The following CEL variants were observed in gnomAD, a reference collection of about 807,000 sequenced individuals.
The protein encoded by CEL is carboxyl ester lipase, also known as bile salt-activated lipase.
In CEL, 39 loss-of-function variants were observed where a neutral mutation model predicts 57.1. The observed-to-expected ratio is 0.68, with a 90% CI of 0.53 to 0.89. The LOEUF is 0.89. Among genes scored for constraint, CEL ranks in the 40% least tolerant of loss-of-function variants. CEL has a pLI of 0.00. For missense variants in CEL, 698 were observed against 915.0 expected, an observed-to-expected ratio of 0.76 and a Z score of 3.06; for synonymous variants, 314 against 396.6, an observed-to-expected ratio of 0.79 and a Z score of 2.48.
At position 133,071,710 on chromosome 9, in the gene CEL, G is replaced by GC. The variant is rs747827877; in HGVS notation, c.2214dup (p.Thr739HisfsTer3). ...CGGGTGACTCTGAGGCTGCCCCTGT[G>GC]CCCCCCACAGATGACTCCAAGGAAG... On this transcript the variant is annotated frameshift_variant, in exon 11 of 11. Coordinates refer to ENST00000372080, the MANE Select transcript of CEL (RefSeq NM_001807.6). LOFTEE classifies it high-confidence loss of function. 6.2e-7 allele frequency: 1 copy of GC among 1,611,970 alleles called. No individual in the cohort carries two copies.
At chr9:133,062,198 G>A in intron 1 of CEL, 130 bp downstream of exon 1, 1 of 1,239,630 alleles carries the variant, frequency 8.1e-7, no homozygotes, top group East Asian at 2.6e-5. Flanking sequence ...TCATTTCTAT[G>A]GGGACAGGTG....
intron 1 of CEL, among the ~76,000 whole-genome samples, chr9:133,064,083 G>T (rs933117650): frequency 6.6e-6 from 1 of 152,188 alleles, no homozygotes; most frequent in African/African-American, 2.4e-5. Context: ...ACTGAGGATC[G>T]GAGTCAAAGC....
In CEL at chr9:133,071,785, CAAG is replaced by C. The variant is rs746948695; in HGVS notation, c.*23_*25del. The C allele has an allele frequency of 1.2e-6, 2 of 1,606,332 alleles. No individual in the cohort carries two copies. The highest frequency in any genetic ancestry group is 2.2e-5 in the South Asian group (2 of 90,856). ...TTTAGCGTCCCATGAGCCTTGGTAT[CAAG>C]AGGCCACAAGAGTGGGACCCCAGGG... On this transcript the variant is annotated 3_prime_UTR_variant, in exon 11 of 11. Coordinates refer to ENST00000372080, the MANE Select transcript of CEL (RefSeq NM_001807.6).
In CEL at chr9:133,066,595, G is replaced by C; in HGVS notation, c.604G>C (p.Gly202Arg). ...GGTGAAGAGGAATATCGCGGCCTTC[G>C]GGGGGGACCCCAACAACATCACGCT... ...AWVKRNIAAF[G>R]GDPNNITLFG... is the part of the protein sequence containing the mutation. The change falls in exon 5 of 11, where the codon GGG becomes CGG. Residue 202 changes from glycine (G) to arginine (R), a missense_variant. By Grantham distance (125) the Gly-to-Arg change is moderately radical. Around this residue, in one of 6 missense-constraint regions of CEL, gnomAD observed 327 missense variants for 374.1 expected, o/e 0.87. Coordinates refer to ENST00000372080, the MANE Select transcript of CEL (RefSeq NM_001807.6). The surrounding 1 kb of genome is among the most constrained non-coding windows in gnomAD (Gnocchi z 4.3). 2 of 1,613,508 alleles carry C rather than the reference G, an allele frequency of 1.2e-6. No homozygotes were observed. The highest frequency in any genetic ancestry group is 1.1e-5 in the South Asian group (1 of 91,074).
rs759784070 is a variant in CEL, at chr9:133,071,246, G to A, written c.1744G>A (p.Val582Met). Residue 582 changes from valine to methionine, a missense_variant, in exon 11 of 11, where the codon GTG (valine) becomes ATG (methionine). This residue lies in a region of CEL where 238 missense variants were observed against 213.7 expected (regional missense o/e 1.11). Transcript: ENST00000372080. ...CACGGGTGACTCCGAGACCGCCCCC[G>A]TGCCGCCCACGGGTGACTCCGGGGC... is the stretch of plus-strand genomic sequence containing the variant. ...PPTGDSETAP[V>M]PPTGDSGAPP... is the part of the protein sequence containing the mutation. 1.9e-5 allele frequency: 30 copies of A among 1,577,564 alleles called. 1 individual carries two copies. The South Asian group carries it at 2.2e-4, about 12-fold the overall frequency.
In CEL at chr9:133,066,229, C is replaced by G. The variant is rs777051568; in HGVS notation, c.539-301C>G. ...CATCCTGCCCCCGACAAACACCACCCCCTCCAGCACCACACCAACCCAACC... is the reference window on the plus strand; with the variant it reads ...CATCCTGCCCCCGACAAACACCACCGCCTCCAGCACCACACCAACCCAACC... On this transcript the variant is annotated intron_variant, in intron 4 of 10. Transcript: ENST00000372080. The surrounding 1 kb of genome is among the most constrained non-coding windows in gnomAD (Gnocchi z 4.3). Among the ~76,000 whole-genome samples the G allele has an allele frequency of 6.6e-6, 1 of 152,072 alleles. No homozygotes were observed. Among genetic ancestry groups the G allele is most frequent in the East Asian group, 1.9e-4 (1 of 5,196 alleles).
At chr9:133,063,762 ATG>A (rs1830129765) in intron 1 of CEL, among the ~76,000 whole-genome samples, 1 of 151,964 alleles carries the variant, frequency 6.6e-6, no homozygotes, top group South Asian at 2.1e-4. Context: ...GGCCATTTTC[ATG>A]GCACAGGGAA....
chr9:133,070,077 A>ATACATTTAG (rs1407775584), intron 9 of CEL, among the ~76,000 whole-genome samples: 11 of 151,816 alleles, frequency 7.2e-5, no homozygotes, highest in African/African-American at 2.7e-4. Flanking sequence ...CTTTGCAGCA[A>ATACATTTAG]CTAAGCAGTA....
chr9:133,064,449 A>G lies in CEL; in HGVS notation c.112A>G (p.Lys38Glu), dbSNP rs1287771382. ...AGGTGGGTTCGTGGAAGGCGTCAAT[A>G]AGAAGCTCGGCCTCCTGGGTGACTC... ...TEGGFVEGVN[K>E]KLGLLGDSVD... is the part of the protein sequence containing the mutation. Residue 38 changes from lysine (K) to glutamate (E), a missense_variant, in exon 2 of 11, where the codon AAG becomes GAG. By Grantham distance (56) the Lys-to-Glu change is moderately conservative. Around this residue, in one of 6 missense-constraint regions of CEL, gnomAD observed 327 missense variants for 374.1 expected, o/e 0.87. Coordinates refer to ENST00000372080, the MANE Select transcript of CEL (RefSeq NM_001807.6). 6.2e-7 allele frequency: 1 copy of G among 1,614,090 alleles called. No homozygotes were observed. The highest frequency in any genetic ancestry group is 1.7e-5 in the Admixed American group (1 of 60,018).
Position 133,071,075 on chromosome 9 carries a change from A to G in CEL, c.1573A>G (p.Met525Val). 1 of 1,612,572 alleles carries G rather than the reference A, an allele frequency of 6.2e-7. No homozygotes were observed. Among genetic ancestry groups the G allele is most frequent in the Non-Finnish European group, 8.5e-7 (1 of 1,179,768 alleles). The change falls in exon 11 of 11, where the codon ATG becomes GTG. Residue 525 changes from methionine to valine, a missense_variant. Met to Val is a conservative substitution (Grantham distance 21). This residue lies in a region of CEL where 111 missense variants were observed against 147.3 expected (regional missense o/e 0.75). Coordinates refer to ENST00000372080, the MANE Select transcript of CEL (RefSeq NM_001807.6). Reference protein sequence around the residue: ...NSGYLEITKKMGSSSMKRSLR... With the variant: ...NSGYLEITKKVGSSSMKRSLR... ...CGGCTACCTGGAGATCACCAAGAAG[A>G]TGGGCAGCAGCTCCATGAAGCGGAG...
In CEL at chr9:133,065,132, T is replaced by C; in HGVS notation, c.433T>C (p.Tyr145His). The change falls in exon 4 of 11, where the codon TAT becomes CAT. Residue 145 changes from tyrosine (Y) to histidine (H), a missense_variant. This residue lies in a region of CEL where 327 missense variants were observed against 374.1 expected (regional missense o/e 0.87). Transcript: ENST00000372080. ...GGCCAACTTCCTCAACAACTACCTG[T>C]ATGACGGCGAGGAGATCGCCACACG... ...HGANFLNNYL[Y>H]DGEEIATRGN... 6.2e-7 allele frequency: 1 copy of C among 1,613,968 alleles called. No individual in the cohort carries two copies. Among genetic ancestry groups the C allele is most frequent in the Non-Finnish European group, 8.5e-7 (1 of 1,180,026 alleles).
At position 133,066,989 on chromosome 9, in the gene CEL, C is replaced by T. The variant is rs1321623241; in HGVS notation, c.777+44C>T. 2.5e-6 allele frequency: 4 copies of T among 1,602,934 alleles called. No individual in the cohort carries two copies. The East Asian group carries it at 8.9e-5, about 36-fold the overall frequency. On this transcript the variant is annotated intron_variant, in intron 6 of 10. Transcript: ENST00000372080. This position sits in a 1 kb window ranked among gnomAD's most constrained non-coding sequence, Gnocchi z 4.3. ...GGCTGGGCGGGGTGGGGGCTGTCCA[C>T]ATTTCCGTTCTTTATCCTGGACCCC... is the stretch of plus-strand genomic sequence containing the variant.
intron 10 of CEL, 124 bp from the exon 11 acceptor site, chr9:133,070,863 A>G: frequency 7.8e-7 from 1 of 1,274,874 alleles, no homozygotes; most frequent in Non-Finnish European, 1.1e-6. Context: ...CCCAGTATGC[A>G]GTGAGGGGCA....
rs765084167 is a variant in CEL, at chr9:133,071,294, G to A, written c.1792G>A (p.Asp598Asn). 1 of 746,506 alleles carries A rather than the reference G, an allele frequency of 1.3e-6. No individual in the cohort carries two copies. The highest frequency in any genetic ancestry group is 2.8e-5 in the East Asian group (1 of 35,652). 46.2% of individuals were successfully genotyped at this position (746,506 alleles called of 1,614,324 possible). Residue 598 changes from aspartate (D) to asparagine (N), a missense_variant, in exon 11 of 11, where the codon GAC becomes AAC. Asp to Asn is a conservative substitution (Grantham distance 23, BLOSUM62 1). Coordinates refer to ENST00000372080, the MANE Select transcript of CEL (RefSeq NM_001807.6). ...GGCCCCCCCCGTGCCGCCCACGGGT[G>A]ACTCCGGGGCCCCCCCCGTGCCGCC... ...SGAPPVPPTG[D>N]SGAPPVPPTG...
rs185188893 is a variant in CEL, at chr9:133,070,979, C to G, written c.1485-8C>G. The G allele has an allele frequency of 1.9e-6, 3 of 1,613,220 alleles. No individual in the cohort carries two copies. In the African/African-American group the frequency reaches 4.0e-5, roughly 22 times the overall value. On this transcript the variant is annotated splice_region_variant and splice_polypyrimidine_tract_variant and intron_variant, in intron 10 of 10. Coordinates refer to ENST00000372080, the MANE Select transcript of CEL (RefSeq NM_001807.6). ...CCAGCCCCTGCACAGCCTCTTCTCA[C>G]TCTGCAGGGACCCCAACATGGGCGA...
chr9:133,067,062 C>G, intron 6 of CEL, 26 bp from the exon 7 acceptor site: 1 of 1,612,806 alleles, frequency 6.2e-7, no homozygotes, highest in Non-Finnish European at 8.5e-7. Context: ...GCCTCACCTA[C>G]CTGCTGGCCT....
rs1023939360 is a variant in CEL at position 133,062,215 on chromosome 9, A to G, written c.66+147A>G. On this transcript the variant is annotated intron_variant, in intron 1 of 10. Coordinates refer to ENST00000372080, the MANE Select transcript of CEL (RefSeq NM_001807.6). ...ATTTCTATGGGGACAGGTGCCAGGT[A>G]GAACACAGGATGCCCAATTCCATTT... The G allele has an allele frequency of 2.2e-5, 26 of 1,206,816 alleles. 1 individual carries two copies. In the African/African-American group the frequency reaches 3.4e-4, roughly 16 times the overall value. 74.8% of individuals were successfully genotyped at this position (1,206,816 alleles called of 1,614,324 possible).
Position 133,071,797 on chromosome 9 carries a change from A to G in CEL, c.*33A>G, listed in dbSNP as rs1354218874. 1 of 1,596,584 alleles carries G rather than the reference A, an allele frequency of 6.3e-7. No homozygotes were observed. Among genetic ancestry groups the G allele is most frequent in the Non-Finnish European group, 8.6e-7 (1 of 1,165,742 alleles). On this transcript the variant is annotated 3_prime_UTR_variant, in exon 11 of 11. Coordinates refer to ENST00000372080, the MANE Select transcript of CEL (RefSeq NM_001807.6). The stretch of plus-strand genomic sequence containing the variant: ...TGAGCCTTGGTATCAAGAGGCCACA[A>G]GAGTGGGACCCCAGGGGCTCCCCTC...
rs528096074 is a variant in CEL at position 133,068,697 on chromosome 9, C to A, written c.921C>A (p.Phe307Leu). 6.2e-7 allele frequency: 1 copy of A among 1,610,066 alleles called. No individual in the cohort carries two copies. Among genetic ancestry groups the A allele is most frequent in the Non-Finnish European group, 8.5e-7 (1 of 1,178,688 alleles). The change falls in exon 8 of 11, where the codon TTC becomes TTA. Residue 307 changes from phenylalanine to leucine, a missense_variant. By Grantham distance (22) the Phe-to-Leu change is conservative. Around this residue, in one of 6 missense-constraint regions of CEL, gnomAD observed 18 missense variants for 81.4 expected, o/e 0.22. Transcript: ENST00000372080. ...ACCCCATGCTGCACTATGTGGGCTT[C>A]GTCCCTGTCATTGATGGAGACTTCA... ...LEYPMLHYVG[F>L]VPVIDGDFIP...
Sources: gnomAD v4.1 joint callset for allele counts (sites outside exome capture counted in the v4.1 genomes callset) on GRCh38, gnomAD v4.1.1 for gene constraint, gnomAD v4.1.1 regional missense constraint, Gnocchi (gnomAD v3.1) non-coding constraint, MANE v1.5 for transcripts, NCBI Gene and HGNC (gene_info 2026-07-23, HGNC 2026-07-21) for gene names.